The following LRRC1 variants were observed in gnomAD, a reference collection of about 807,000 sequenced individuals.
LRRC1 encodes the protein leucine-rich repeat-containing protein 1.
A neutral mutation model predicts 69.9 loss-of-function variants in LRRC1; 28 were observed. That is an observed-to-expected ratio of 0.40 (90% CI 0.30 to 0.55). LRRC1 has a LOEUF of 0.55. Among genes scored for constraint, LRRC1 ranks in the 20% least tolerant of loss-of-function variants. The pLI is 0.47. For missense variants in LRRC1, 498 were observed against 609.0 expected (o/e 0.82, Z 1.92); for synonymous variants, 236 against 240.2 (o/e 0.98, Z 0.16).
At chr6:53,902,934 G>A (rs993762618) in intron 9 of LRRC1, among the ~76,000 whole-genome samples, 187 bp downstream of exon 9, 2 of 152,208 alleles carry the variant, frequency 1.3e-5, no homozygotes, top group Non-Finnish European at 2.9e-5. Context: ...AGGTTTCCCT[G>A]TTGAGCCTGT....
intron 11 of LRRC1, among the ~76,000 whole-genome samples, chr6:53,917,254 C>G (rs1298494050): frequency 1.3e-5 from 2 of 152,128 alleles, no homozygotes; most frequent in East Asian, 3.9e-4. Context: ...GCAGACTGTT[C>G]AGGGAACAGT....
rs901793814 is a variant in LRRC1, at chr6:53,795,157, G to T, written c.-100G>T. On this transcript the variant is annotated 5_prime_UTR_variant, in exon 1 of 14. Coordinates refer to ENST00000370888, the MANE Select transcript of LRRC1 (RefSeq NM_018214.5). ...GCTAACCCAAGAGCCAACAACGAGC[G>T]CGGAGAGGGCAGCGGACTGAGCGGA... 55 of 1,061,354 alleles carry T rather than the reference G, an allele frequency of 5.2e-5. No individual in the cohort carries two copies. The highest frequency in any genetic ancestry group is 6.8e-5 in the Non-Finnish European group (52 of 761,386). The allele number at this position is 1,061,354 out of a possible 1,614,324, so 65.7% of individuals were successfully genotyped here.
At chr6:53,816,902 C>T (rs1016298931) in intron 1 of LRRC1, among the ~76,000 whole-genome samples, 1 of 152,096 alleles carries the variant, frequency 6.6e-6, no homozygotes, top group Non-Finnish European at 1.5e-5. Flanking sequence ...TCACTTAAGA[C>T]AAAGAAGATA....
chr6:53,911,621 G>C (rs1420611868), intron 10 of LRRC1, among the ~76,000 whole-genome samples: 1 of 152,202 alleles, frequency 6.6e-6, no homozygotes, highest in African/African-American at 2.4e-5. Context: ...TTCAGCCTCA[G>C]CCAACTGCTG....
At chr6:53,872,531 T>C (rs962704758) in intron 2 of LRRC1, among the ~76,000 whole-genome samples, 3 of 151,954 alleles carry the variant, frequency 2.0e-5, no homozygotes, top group Middle Eastern at 6.8e-3. Flanking sequence ...AATAATTTCC[T>C]TTTTTTTGTA....
At position 53,841,239 on chromosome 6, in the gene LRRC1, C is replaced by A. The variant is rs146605616; in HGVS notation, c.160-871C>A. ...ATTTCCAGGCTCCTGCCTGGCTCTGCAGGGTAGAGAAGAGAATATGGCAGT... is the reference window on the plus strand; with the variant it reads ...ATTTCCAGGCTCCTGCCTGGCTCTGAAGGGTAGAGAAGAGAATATGGCAGT... On this transcript the variant is annotated intron_variant, in intron 1 of 13. Coordinates refer to ENST00000370888, the MANE Select transcript of LRRC1 (RefSeq NM_018214.5). Among the ~76,000 whole-genome samples the A allele has an allele frequency of 6.5e-4, 99 of 152,272 alleles. 2 individuals are homozygous for A. The highest frequency in any genetic ancestry group is 2.2e-3 in the African/African-American group (90 of 41,568).
chr6:53,852,685 G>A (rs940708417), intron 2 of LRRC1, among the ~76,000 whole-genome samples: 4 of 152,170 alleles, frequency 2.6e-5, no homozygotes, highest in African/African-American at 7.2e-5. Context: ...TAAGGGCAGA[G>A]CTGATAGTTA....
intron 2 of LRRC1, among the ~76,000 whole-genome samples, chr6:53,871,446 A>G (rs1173085705): frequency 6.6e-6 from 1 of 152,152 alleles, no homozygotes; most frequent in East Asian, 1.9e-4. Flanking sequence ...CTTTTGAGAA[A>G]TGTCATTCAG....
intron 1 of LRRC1, among the ~76,000 whole-genome samples, chr6:53,796,158 C>T (rs1362318500): frequency 1.3e-5 from 2 of 152,252 alleles, no homozygotes; most frequent in African/African-American, 2.4e-5. Context: ...CCGCCTTTCC[C>T]GGAGCGGGCA....
At chr6:53,904,180 C>G (rs1219159445) in intron 9 of LRRC1, among the ~76,000 whole-genome samples, 199 bp from the exon 10 acceptor site, 1 of 152,242 alleles carries the variant, frequency 6.6e-6, no homozygotes, top group Non-Finnish European at 1.5e-5. Flanking sequence ...TTAAAACAGA[C>G]TTATCATTTC....
At chr6:53,842,300 C>T (rs4286781) in intron 2 of LRRC1, 73 bp downstream of exon 2, 834,253 of 975,234 alleles carry the variant, frequency 0.86, 357,774 homozygotes, top group East Asian at 0.97. Flanking sequence ...AATATAGCTA[C>T]GAGTGAGAAC....
intron 1 of LRRC1, 63 bp from the exon 2 acceptor site, chr6:53,842,047 G>A: frequency 1.9e-6 from 2 of 1,028,892 alleles, no homozygotes; most frequent in Middle Eastern, 2.1e-4. Flanking sequence ...ACATTTCATA[G>A]TAGCCCAAAA....
At chr6:53,870,676 T>G (rs1000850321) in intron 2 of LRRC1, among the ~76,000 whole-genome samples, 6 of 152,202 alleles carry the variant, frequency 3.9e-5, no homozygotes, top group Admixed American at 6.5e-5. Context: ...TATTTTGAAT[T>G]TAATAGATTA....
chr6:53,895,462 G>A (rs2127435305), intron 4 of LRRC1, among the ~76,000 whole-genome samples: 1 of 152,288 alleles, frequency 6.6e-6, no homozygotes. Context: ...GTTGGAAGGA[G>A]GGAGAATGGA....
intron 4 of LRRC1, among the ~76,000 whole-genome samples, chr6:53,890,242 T>C (rs549134400): frequency 6.6e-6 from 1 of 152,296 alleles, no homozygotes; most frequent in South Asian, 2.1e-4. Flanking sequence ...TCTCCAAAAA[T>C]AGCATTCTTA....
intron 9 of LRRC1, among the ~76,000 whole-genome samples, chr6:53,903,522 A>G (rs1385350808): frequency 6.7e-6 from 1 of 148,868 alleles, no homozygotes; most frequent in Non-Finnish European, 1.5e-5. Flanking sequence ...TCTTTTCTCC[A>G]TCTTCATTTT....
At chr6:53,814,130 T>C (rs1306102799) in intron 1 of LRRC1, among the ~76,000 whole-genome samples, 1 of 152,244 alleles carries the variant, frequency 6.6e-6, no homozygotes, top group East Asian at 1.9e-4. Flanking sequence ...CCAACTCATC[T>C]TTCATAGGAT....
chr6:53,865,474 G>A (rs1461413284), intron 2 of LRRC1, among the ~76,000 whole-genome samples: 1 of 152,112 alleles, frequency 6.6e-6, no homozygotes, highest in African/African-American at 2.4e-5. Context: ...ATATCTACAT[G>A]CAATTGCTGA....
At position 53,913,981 on chromosome 6, in the gene LRRC1, G is replaced by T. The variant is rs778830152; in HGVS notation, c.1106+12G>T. On this transcript the variant is annotated intron_variant, in intron 11 of 13. Coordinates refer to ENST00000370888, the MANE Select transcript of LRRC1 (RefSeq NM_018214.5). ...GTGGCAGGGAACAGGTAAGCCTGTTGTAGTTTGCTTTGCTTGAGGGAAACA... is the reference window on the plus strand; with the variant it reads ...GTGGCAGGGAACAGGTAAGCCTGTTTTAGTTTGCTTTGCTTGAGGGAAACA... The T allele has an allele frequency of 2.5e-6, 4 of 1,583,008 alleles. No homozygotes were observed. The highest frequency in any genetic ancestry group is 1.7e-6 in the Non-Finnish European group (2 of 1,154,504).
Sources: gnomAD v4.1 joint callset for allele counts (sites outside exome capture counted in the v4.1 genomes callset) on GRCh38, gnomAD v4.1.1 for gene constraint, MANE v1.5 for transcripts, NCBI Gene and HGNC (gene_info 2026-07-23, HGNC 2026-07-21) for gene names.